Variants in MAP2K5 observed in about 807,000 individuals in gnomAD.
MAP2K5 encodes the protein dual specificity mitogen-activated protein kinase kinase 5.
A neutral mutation model predicts 83.1 loss-of-function variants in MAP2K5; 49 were observed. That is an observed-to-expected ratio of 0.59 (90% confidence interval 0.47 to 0.75). The LOEUF (loss-of-function observed/expected upper bound fraction) is 0.75. Among genes scored for constraint, MAP2K5 ranks in the 30% least tolerant of loss-of-function variants. MAP2K5 has a pLI of 0.00. For missense variants in MAP2K5, 457 were observed against 557.5 expected (o/e 0.82, Z 1.82); for synonymous variants, 202 against 191.8 (o/e 1.05, Z -0.44).
intron 16 of MAP2K5, among the ~76,000 whole-genome samples, chr15:67,721,074 A>G (rs140984803): frequency 9.2e-4 from 140 of 152,322 alleles, no homozygotes; most frequent in Middle Eastern, 3.4e-3. Context: ...TTAAGTGTCT[A>G]CTGTAATAAG....
chr15:67,675,634 T>C (rs144627181), intron 13 of MAP2K5, among the ~76,000 whole-genome samples: 128 of 152,334 alleles, frequency 8.4e-4, no homozygotes, highest in African/African-American at 3.0e-3. Context: ...CTTACCATTG[T>C]AAATGTAAAC....
rs2090718016 is a variant in MAP2K5, at chr15:67,802,123, C to T, written c.1243-4523C>T. ...CCACGTGGGAGGGGCCCGGGAGTGTCCTGCTGTCAGTCCATCAGGAAGGCA... is the reference window on the plus strand; with the variant it reads ...CCACGTGGGAGGGGCCCGGGAGTGTTCTGCTGTCAGTCCATCAGGAAGGCA... On this transcript the variant is annotated intron_variant, in intron 21 of 21. Transcript: ENST00000178640. The surrounding 1 kb of genome is among the most constrained non-coding windows in gnomAD (Gnocchi z 5.0). 6.6e-6 allele frequency among the ~76,000 whole-genome samples: 1 copy of T among 152,182 alleles called. No homozygotes were observed. The highest frequency in any genetic ancestry group is 2.4e-5 in the African/African-American group (1 of 41,438).
chr15:67,710,660 C>T (rs558037952), intron 16 of MAP2K5, among the ~76,000 whole-genome samples: 2 of 152,160 alleles, frequency 1.3e-5, no homozygotes, highest in South Asian at 4.2e-4. Context: ...TGCGCCACCA[C>T]GCCCGGCTGA....
At chr15:67,576,000 A>G (rs2085056127) in intron 3 of MAP2K5, among the ~76,000 whole-genome samples, 1 of 138,220 alleles carries the variant, frequency 7.2e-6, no homozygotes. Context: ...GCTCACTGCA[A>G]CCTCTGCCTC....
Position 67,722,906 on chromosome 15 carries a change from C to A in MAP2K5, c.1045-5010C>A, listed in dbSNP as rs532294726. On this transcript the variant is annotated intron_variant, in intron 16 of 21. Coordinates refer to ENST00000178640, the MANE Select transcript of MAP2K5 (RefSeq NM_145160.3). The surrounding 1 kb of genome is among the most constrained non-coding windows in gnomAD (Gnocchi z 4.2). ...ATAAAGTTGTCATTCAGCTAGATCA[C>A]TGGCTATATTGAAAATGCTTATTTT... Among the ~76,000 whole-genome samples the A allele has an allele frequency of 6.6e-6, 1 of 152,288 alleles. No homozygotes were observed. Among genetic ancestry groups the A allele is most frequent in the African/African-American group, 2.4e-5 (1 of 41,582 alleles).
chr15:67,600,654 C>A (rs1431730129), intron 7 of MAP2K5, 31 bp from the exon 8 acceptor site: 2 of 1,270,438 alleles, frequency 1.6e-6, no homozygotes, highest in Admixed American at 2.1e-5. Context: ...CAGCATGACA[C>A]CCTTTTTGTT....
intron 11 of MAP2K5, among the ~76,000 whole-genome samples, chr15:67,647,849 A>G (rs1166527826): frequency 1.3e-5 from 2 of 151,990 alleles, no homozygotes; most frequent in African/African-American, 2.4e-5. Context: ...ACCCTGGGTG[A>G]CAAAGTGAGA....
intron 12 of MAP2K5, 95 bp from the exon 13 acceptor site, chr15:67,664,502 C>CA (rs878962506): frequency 0.051 from 30,277 of 593,300 alleles, 113 homozygotes; most frequent in African/African-American, 0.094. Flanking sequence ...CACCCTGTCT[C>CA]AAAAAAAAAA....
chr15:67,705,788 C>T (rs1453800230), intron 16 of MAP2K5, among the ~76,000 whole-genome samples: 2 of 151,824 alleles, frequency 1.3e-5, no homozygotes, highest in Admixed American at 6.6e-5. Context: ...GGTAAAGTAC[C>T]ACTTGAGCAG....
At chr15:67,551,729 C>T (rs2084514327) in intron 2 of MAP2K5, among the ~76,000 whole-genome samples, 1 of 152,156 alleles carries the variant, frequency 6.6e-6, no homozygotes, top group Admixed American at 6.5e-5. Context: ...TAGCCTTGAC[C>T]TCCTGGCTCA....
At chr15:67,655,711 A>T (rs894794401) in intron 11 of MAP2K5, among the ~76,000 whole-genome samples, 1 of 149,990 alleles carries the variant, frequency 6.7e-6, no homozygotes, top group African/African-American at 2.5e-5. Flanking sequence ...AGTTTATCCT[A>T]TATGAAGTAT....
intron 13 of MAP2K5, among the ~76,000 whole-genome samples, chr15:67,675,063 C>T (rs1264507489): frequency 6.6e-6 from 1 of 152,130 alleles, no homozygotes; most frequent in African/African-American, 2.4e-5. Context: ...CTAGACATGC[C>T]ACTACCGTAT....
At position 67,785,312 on chromosome 15, in the gene MAP2K5, A is replaced by G. The variant is rs1295475616; in HGVS notation, c.1242+12560A>G. Among the ~76,000 whole-genome samples the G allele has an allele frequency of 2.0e-5, 3 of 152,230 alleles. No homozygotes were observed. The highest frequency in any genetic ancestry group is 6.5e-5 in the Admixed American group (1 of 15,280). On this transcript the variant is annotated intron_variant, in intron 21 of 21. Coordinates refer to ENST00000178640, the MANE Select transcript of MAP2K5 (RefSeq NM_145160.3). The surrounding 1 kb of genome is among the most constrained non-coding windows in gnomAD (Gnocchi z 4.4). Reference sequence around the variant, plus strand: ...AGGATATAAATCAAGCCTGTCTGAAAGCATTCTGTTTAGTTCAGTTCAGCT... The same window carrying G: ...AGGATATAAATCAAGCCTGTCTGAAGGCATTCTGTTTAGTTCAGTTCAGCT...
At chr15:67,762,976 C>G (rs1023353239) in intron 19 of MAP2K5, among the ~76,000 whole-genome samples, 2 of 152,184 alleles carry the variant, frequency 1.3e-5, no homozygotes, top group Admixed American at 1.3e-4. Context: ...AATGCCCACA[C>G]ATGTAATTTG....
At chr15:67,706,359 A>T (rs2088553909) in intron 16 of MAP2K5, among the ~76,000 whole-genome samples, 1 of 152,206 alleles carries the variant, frequency 6.6e-6, no homozygotes, top group African/African-American at 2.4e-5. Context: ...AATTTTCAGG[A>T]TCGAAGAGGA....
chr15:67,773,423 G>C (rs1342724054), intron 21 of MAP2K5, among the ~76,000 whole-genome samples: 1 of 152,154 alleles, frequency 6.6e-6, no homozygotes, highest in Non-Finnish European at 1.5e-5. Context: ...AATAATTATA[G>C]TCTATTCTTT....
chr15:67,802,895 C>T lies in MAP2K5; in HGVS notation c.1243-3751C>T, dbSNP rs868618302. Among the ~76,000 whole-genome samples, 4 of 152,176 alleles carry T rather than the reference C, an allele frequency of 2.6e-5. No individual in the cohort carries two copies. The highest frequency in any genetic ancestry group is 1.3e-4 in the Admixed American group (2 of 15,284). ...ACCCAAGCCCAGGGGAGGGACCAGCCGCAGGGGCTGGAGACTGCAAGGAGC... is the reference window on the plus strand; with the variant it reads ...ACCCAAGCCCAGGGGAGGGACCAGCTGCAGGGGCTGGAGACTGCAAGGAGC... On this transcript the variant is annotated intron_variant, in intron 21 of 21. Coordinates refer to ENST00000178640, the MANE Select transcript of MAP2K5 (RefSeq NM_145160.3). This position sits in a 1 kb window ranked among gnomAD's most constrained non-coding sequence, Gnocchi z 5.0.
intron 15 of MAP2K5, among the ~76,000 whole-genome samples, chr15:67,699,569 G>A (rs544707338): frequency 2.0e-3 from 306 of 152,274 alleles, no homozygotes; most frequent in Middle Eastern, 6.8e-3. Flanking sequence ...TCCTAGGTTG[G>A]ACAAGGCACA....
Position 67,720,269 on chromosome 15 carries a change from CAT to C in MAP2K5, c.1045-7644_1045-7643del, listed in dbSNP as rs1023962376. On this transcript the variant is annotated intron_variant, in intron 16 of 21. Coordinates refer to ENST00000178640, the MANE Select transcript of MAP2K5 (RefSeq NM_145160.3). This position sits in a 1 kb window ranked among gnomAD's most constrained non-coding sequence, Gnocchi z 5.7. Reference sequence around the variant, plus strand: ...AAACACACGCATATATATACACACACATATGCTTATATATACATAAGTATACA... The same window carrying C: ...AAACACACGCATATATATACACACACATGCTTATATATACATAAGTATACA... Among the ~76,000 whole-genome samples the C allele has an allele frequency of 3.3e-5, 5 of 151,846 alleles. No individual in the cohort carries two copies. Among genetic ancestry groups the C allele is most frequent in the Admixed American group, 6.6e-5 (1 of 15,240 alleles).
Sources: allele counts gnomAD v4.1 joint callset (sites outside exome capture counted in the v4.1 genomes callset), GRCh38; gene constraint gnomAD v4.1.1; non-coding constraint Gnocchi (gnomAD v3.1); transcripts MANE v1.5; gene names NCBI Gene and HGNC (gene_info 2026-07-23, HGNC 2026-07-21).